Variants in C2CD5 observed in about 807,000 individuals in gnomAD.
C2CD5 encodes C2 calcium dependent domain containing 5, also known as C2 domain-containing protein 5.
In C2CD5, 109 loss-of-function variants were observed where a neutral mutation model predicts 130.3. The observed-to-expected ratio is 0.84, with a 90% CI of 0.72 to 0.98. The LOEUF (loss-of-function observed/expected upper bound fraction) is 0.98, where lower values mean the gene tolerates loss of function less well. Ranked by LOEUF, C2CD5 falls within the 50% of genes least tolerant of loss-of-function variation. The pLI is 0.00. For missense variants in C2CD5, 996 were observed against 1,261.8 expected, an observed-to-expected ratio of 0.79 and a Z score of 3.19; for synonymous variants, 454 against 429.2, an observed-to-expected ratio of 1.06 and a Z score of -0.71.
intron 8 of C2CD5, 47 bp downstream of exon 8, chr12:22,517,939 C>A: frequency 1.3e-6 from 2 of 1,503,850 alleles, no homozygotes; most frequent in South Asian, 2.5e-5. Flanking sequence ...GAAATAGAAA[C>A]AAATTTTTAA....
rs554781880 is a variant in C2CD5, at chr12:22,468,909, C to T, written c.2533+800G>A. ...CAAGTAGGAATCATAAAATAATATCCATTGTATTATAAGACATAAAAGTTG... is the reference window on the plus strand; with the variant it reads ...CAAGTAGGAATCATAAAATAATATCTATTGTATTATAAGACATAAAAGTTG... On this transcript the variant is annotated intron_variant, in intron 22 of 26. Transcript: ENST00000446597. Among the ~76,000 whole-genome samples, 554 of 152,056 alleles carry T rather than the reference C, an allele frequency of 3.6e-3. 9 individuals are homozygous for T. The highest frequency in any genetic ancestry group is 7.2e-4 in the Non-Finnish European group (49 of 67,964).
chr12:22,541,784 C>G (rs1246633257), intron 2 of C2CD5, among the ~76,000 whole-genome samples: 1 of 152,180 alleles, frequency 6.6e-6, no homozygotes, highest in Non-Finnish European at 1.5e-5. Context: ...CCCATCCCAA[C>G]TTGTAACTAT....
At chr12:22,478,534 TA>T in intron 14 of C2CD5, 57 bp from the exon 15 acceptor site, 1 of 1,433,798 alleles carries the variant, frequency 7.0e-7, no homozygotes, top group East Asian at 2.4e-5. Flanking sequence ...TAACAGTCCT[TA>T]AGTTTTCATA....
At chr12:22,498,446 T>C (rs1947331419) in intron 10 of C2CD5, among the ~76,000 whole-genome samples, 1 of 152,186 alleles carries the variant, frequency 6.6e-6, no homozygotes, top group South Asian at 2.1e-4. Context: ...ATTCTATAAA[T>C]ATATCCCTAT....
chr12:22,533,989 C>T (rs1445310493), intron 3 of C2CD5, among the ~76,000 whole-genome samples: 1 of 152,154 alleles, frequency 6.6e-6, no homozygotes, highest in Non-Finnish European at 1.5e-5. Context: ...AGTTTGAGAC[C>T]AGCCGGGCCA....
intron 16 of C2CD5, among the ~76,000 whole-genome samples, chr12:22,473,705 T>C (rs1565677858): frequency 6.6e-6 from 1 of 152,140 alleles, no homozygotes; most frequent in Non-Finnish European, 1.5e-5. Context: ...ATTCCTGGGC[T>C]CCACCTTGAA....
chr12:22,518,038 G>A lies in C2CD5; in HGVS notation c.900C>T (p.Tyr300=), dbSNP rs1949924823. ...TGTCAGAAGAAGAGGACTGTCGACT[G>A]TAGGACTTGGAAGGTGAAAAGGAAT... The part of the protein sequence containing the change: ...QTYSFSPSKS[Y]SRQSSSSDTD... Residue 300 remains tyrosine (Y), a synonymous_variant, in exon 8 of 27, where the codon TAC becomes TAT. Coordinates refer to ENST00000446597, the MANE Select transcript of C2CD5 (RefSeq NM_001286176.2). 1 of 1,613,884 alleles carries A rather than the reference G, an allele frequency of 6.2e-7. No homozygotes were observed. The highest frequency in any genetic ancestry group is 1.3e-5 in the African/African-American group (1 of 74,924).
At position 22,479,734 on chromosome 12, in the gene C2CD5, A is replaced by G. The variant is rs542559360; in HGVS notation, c.1738-1257T>C. On this transcript the variant is annotated intron_variant, in intron 14 of 26. Transcript: ENST00000446597. ...ATTTAATATCTGACTCTGAAACAGT[A>G]CTATATTTCATTAGTACTGGAAAAC... Among the ~76,000 whole-genome samples the G allele has an allele frequency of 1.9e-4, 29 of 152,320 alleles. 2 individuals carry two copies. The highest frequency in any genetic ancestry group is 7.0e-4 in the African/African-American group (29 of 41,578).
chr12:22,519,173 A>G (rs1555201256), intron 7 of C2CD5: 3 of 1,535,688 alleles, frequency 2.0e-6, no homozygotes, highest in East Asian at 2.4e-5. Context: ...GTGAGCCAGT[A>G]GCAGTGTGAA....
intron 12 of C2CD5, among the ~76,000 whole-genome samples, chr12:22,489,685 T>C (rs1254314004): frequency 1.3e-5 from 2 of 152,202 alleles, no homozygotes; most frequent in African/African-American, 4.8e-5. Context: ...ATATATATTA[T>C]ATCTACAGAT....
chr12:22,450,063 A>C (rs1938213877), intron 26 of C2CD5, among the ~76,000 whole-genome samples, 172 bp from the exon 27 acceptor site: 1 of 152,134 alleles, frequency 6.6e-6, no homozygotes, highest in Admixed American at 6.6e-5. Flanking sequence ...ATTCACAGGA[A>C]AGAAAACTCA....
intron 8 of C2CD5, among the ~76,000 whole-genome samples, chr12:22,517,424 T>C (rs1292531049): frequency 2.6e-5 from 4 of 151,798 alleles, no homozygotes; most frequent in Non-Finnish European, 4.4e-5. Context: ...CAAAATACAA[T>C]AGAAAATACA....
At chr12:22,496,671 T>C (rs1237738109) in intron 10 of C2CD5, among the ~76,000 whole-genome samples, 3 of 149,394 alleles carry the variant, frequency 2.0e-5, no homozygotes, top group Non-Finnish European at 4.5e-5. Context: ...TAATATATTT[T>C]TATATACAAA....
Position 22,493,272 on chromosome 12 carries a change from C to T in C2CD5, c.1213G>A (p.Ala405Thr), listed in dbSNP as rs990550892. Reference sequence around the variant, plus strand: ...CCCACTACAGCATGACAGCCTAATGCTTTAGCATGTGATTTTATTTCTTGT... The same window carrying T: ...CCCACTACAGCATGACAGCCTAATGTTTTAGCATGTGATTTTATTTCTTGT... Reference protein sequence around the residue: ...IRQEIKSHAKALGCHAVVGYS... With the variant: ...IRQEIKSHAKTLGCHAVVGYS... Residue 405 changes from alanine (A) to threonine (T), a missense_variant, in exon 11 of 27, where the codon GCA becomes ACA. Physicochemically the swap from Ala to Thr is moderately conservative, Grantham distance 58 (BLOSUM62 0). This residue lies in a region of C2CD5 where 590 missense variants were observed against 631.4 expected (regional missense o/e 0.93). Coordinates refer to ENST00000446597, the MANE Select transcript of C2CD5 (RefSeq NM_001286176.2). 2.5e-6 allele frequency: 4 copies of T among 1,612,024 alleles called. No homozygotes were observed. Among genetic ancestry groups the T allele is most frequent in the Non-Finnish European group, 3.4e-6 (4 of 1,178,862 alleles).
At chr12:22,497,864 T>C (rs1187128926) in intron 10 of C2CD5, among the ~76,000 whole-genome samples, 1 of 151,054 alleles carries the variant, frequency 6.6e-6, no homozygotes, top group Non-Finnish European at 1.5e-5. Context: ...TGCAATCTAC[T>C]CCATAATTGT....
Position 22,484,848 on chromosome 12 carries a change from T to C in C2CD5, c.1399A>G (p.Ile467Val), listed in dbSNP as rs1384207779. The C allele has an allele frequency of 6.3e-7, 1 of 1,584,388 alleles. No individual in the cohort carries two copies. The highest frequency in any genetic ancestry group is 1.2e-5 in the South Asian group (1 of 84,458). The change falls in exon 13 of 27, where the codon ATA becomes GTA. Residue 467 changes from isoleucine (I) to valine (V), a missense_variant. Physicochemically the swap from Ile to Val is conservative, Grantham distance 29. Around this residue, in one of 9 missense-constraint regions of C2CD5, gnomAD observed 590 missense variants for 631.4 expected, o/e 0.93. Coordinates refer to ENST00000446597, the MANE Select transcript of C2CD5 (RefSeq NM_001286176.2). ...NLPTRCGFCH[I>V]PYDELNMPFP... ...GGCATATTCAGTTCATCATATGGTA[T>C]ATGACAAAATCCACAACGTGTAGGC... is the stretch of plus-strand genomic sequence containing the variant.
chr12:22,500,305 C>G (rs184216275), intron 10 of C2CD5, among the ~76,000 whole-genome samples: 1 of 150,500 alleles, frequency 6.6e-6, no homozygotes, highest in Non-Finnish European at 1.5e-5. Flanking sequence ...TGGCAAGCAA[C>G]GTAGTAAGCA....
At chr12:22,526,398 G>A (rs1950720924) in intron 4 of C2CD5, among the ~76,000 whole-genome samples, 1 of 152,210 alleles carries the variant, frequency 6.6e-6, no homozygotes, top group East Asian at 1.9e-4. Context: ...TTTTACAAAG[G>A]AAGAAATTTT....
chr12:22,524,738 T>C, intron 5 of C2CD5, 111 bp from the exon 6 acceptor site: 1 of 655,796 alleles, frequency 1.5e-6, no homozygotes, highest in Non-Finnish European at 2.6e-6. Context: ...GAACATCTTT[T>C]ACTGTAATAT....
Sources: gnomAD v4.1 joint callset for allele counts (sites outside exome capture counted in the v4.1 genomes callset) on GRCh38, gnomAD v4.1.1 for gene constraint, gnomAD v4.1.1 regional missense constraint, MANE v1.5 for transcripts, NCBI Gene and HGNC (gene_info 2026-07-23, HGNC 2026-07-21) for gene names.